The following SHANK2 variants were observed in gnomAD, a reference collection of about 807,000 sequenced individuals.
SHANK2 encodes the protein SH3 and multiple ankyrin repeat domains protein 2.
Under a neutral mutation model 133.7 loss-of-function variants are expected in SHANK2, and 43 were observed. That is an observed-to-expected ratio of 0.32 (90% CI 0.25 to 0.41). The LOEUF is 0.41. SHANK2 is among the 10% of genes least tolerant of loss of function. SHANK2 has a pLI of 1.00. For synonymous variants in SHANK2, 1,017 were observed against 952.8 expected (o/e 1.07, Z -1.24); for missense variants, 1,994 against 2,235.8 (o/e 0.89, Z 2.18).
intron 10 of SHANK2, among the ~76,000 whole-genome samples, chr11:70,930,040 C>G (rs531893203): frequency 3.6e-4 from 55 of 152,324 alleles, no homozygotes; most frequent in African/African-American, 1.3e-3. Context: ...CCTCCTAGCA[C>G]AGCAGCAAAC....
intron 6 of SHANK2, among the ~76,000 whole-genome samples, chr11:71,095,500 G>A: frequency 6.6e-6 from 1 of 152,212 alleles, no homozygotes. Flanking sequence ...CCAGAAAAGT[G>A]CACAGAGTAC....
intron 2 of SHANK2, among the ~76,000 whole-genome samples, chr11:71,204,386 G>A (rs1954085704): frequency 6.6e-6 from 1 of 152,136 alleles, no homozygotes; most frequent in Non-Finnish European, 1.5e-5. Context: ...GGAGGTAACA[G>A]GACCCAGCGC....
chr11:70,552,732 G>A (rs1425363670), intron 17 of SHANK2, among the ~76,000 whole-genome samples: 1 of 152,204 alleles, frequency 6.6e-6, no homozygotes, highest in Non-Finnish European at 1.5e-5. Context: ...GTGCAAGGGA[G>A]TCACCGTGTC....
chr11:71,184,058 C>T (rs112886841), intron 2 of SHANK2, among the ~76,000 whole-genome samples: 6 of 152,254 alleles, frequency 3.9e-5, no homozygotes, highest in East Asian at 3.9e-4. Flanking sequence ...ACAACCCTGA[C>T]GACTCCATCA....
intron 14 of SHANK2, among the ~76,000 whole-genome samples, chr11:70,764,382 C>A (rs1947070470): frequency 6.7e-6 from 1 of 148,990 alleles, no homozygotes; most frequent in African/African-American, 2.5e-5. Flanking sequence ...TACCTACCCA[C>A]ACATCCATCC....
intron 15 of SHANK2, among the ~76,000 whole-genome samples, chr11:70,674,961 T>A (rs1243391124): frequency 6.6e-6 from 1 of 152,238 alleles, no homozygotes; most frequent in Non-Finnish European, 1.5e-5. Context: ...TAACTATGTA[T>A]AATAAAAACT....
chr11:70,602,798 T>A (rs1413765953), intron 17 of SHANK2, among the ~76,000 whole-genome samples: 1 of 152,260 alleles, frequency 6.6e-6, no homozygotes, highest in Non-Finnish European at 1.5e-5. Context: ...TGTATAACAT[T>A]ACATTTTACA....
chr11:70,880,353 A>G (rs577597927), intron 11 of SHANK2, among the ~76,000 whole-genome samples: 6 of 152,198 alleles, frequency 3.9e-5, no homozygotes, highest in Non-Finnish European at 5.9e-5. Context: ...GGGCTGCTGG[A>G]AGAGTCTACG....
chr11:71,189,419 T>C (rs764412992), intron 2 of SHANK2, among the ~76,000 whole-genome samples: 1 of 152,150 alleles, frequency 6.6e-6, no homozygotes, highest in Non-Finnish European at 1.5e-5. Context: ...CTTTTTGAGA[T>C]TGAGTCCCAC....
chr11:70,472,817 G>T lies in SHANK2; in HGVS notation c.*52C>A. The T allele has an allele frequency of 6.5e-7, 1 of 1,543,270 alleles. No homozygotes were observed. The highest frequency in any genetic ancestry group is 1.4e-5 in the African/African-American group (1 of 73,688). ...TTGGCATTCAGATGTTTCAGCACGA[G>T]CCCATCTCTACTTATAACAAGAGCA... On this transcript the variant is annotated 3_prime_UTR_variant, in exon 26 of 26. Coordinates refer to ENST00000601538, the MANE Select transcript of SHANK2 (RefSeq NM_012309.5). The surrounding 1 kb of genome is among the most constrained non-coding windows in gnomAD (Gnocchi z 4.4).
chr11:70,795,375 C>CTTTTCTTTTCTT (rs1330386417), intron 14 of SHANK2, among the ~76,000 whole-genome samples: 2 of 147,958 alleles, frequency 1.4e-5, no homozygotes, highest in Admixed American at 1.4e-4. Context: ...CACATGGGTT[C>CTTTTCTTTTCTT]TTTTCTTTTC....
chr11:70,820,080 C>T (rs781883328), intron 12 of SHANK2, among the ~76,000 whole-genome samples: 1 of 152,202 alleles, frequency 6.6e-6, no homozygotes, highest in Admixed American at 6.5e-5. Context: ...ACCCGAGAGG[C>T]CAGCAGTATC....
At chr11:71,093,052 G>GGA (rs1491233795) in intron 7 of SHANK2, among the ~76,000 whole-genome samples, 4 of 7,796 alleles carry the variant, frequency 5.1e-4, no homozygotes, top group Non-Finnish European at 1.7e-3. Flanking sequence ...CAAAAATAAA[G>GGA]GGGGGGGGGG....
intron 17 of SHANK2, among the ~76,000 whole-genome samples, chr11:70,596,597 G>A (rs1014691576): frequency 5.9e-5 from 9 of 152,206 alleles, no homozygotes; most frequent in Admixed American, 2.6e-4. Context: ...GCGGGGGGGC[G>A]GCAGGCCCAG....
chr11:70,667,613 G>A (rs1160336984), intron 15 of SHANK2, among the ~76,000 whole-genome samples: 2 of 152,316 alleles, frequency 1.3e-5, no homozygotes, highest in South Asian at 2.1e-4. Flanking sequence ...CTGGTCCAGC[G>A]GGCAGCAGGT....
intron 14 of SHANK2, among the ~76,000 whole-genome samples, chr11:70,731,703 T>C (rs1427510610): frequency 1.3e-5 from 2 of 152,242 alleles, no homozygotes; most frequent in Admixed American, 6.5e-5. Context: ...TGGATAGTGC[T>C]GCTGTGAACA....
chr11:71,210,479 T>C (rs1384227553), intron 2 of SHANK2, among the ~76,000 whole-genome samples: 2 of 151,700 alleles, frequency 1.3e-5, no homozygotes, highest in Non-Finnish European at 2.9e-5. Flanking sequence ...TCAAATCTCC[T>C]GACCTTGCGA....
chr11:70,776,640 T>C (rs1555043944), intron 14 of SHANK2, among the ~76,000 whole-genome samples: 1 of 151,986 alleles, frequency 6.6e-6, no homozygotes, highest in African/African-American at 2.4e-5. Context: ...AGAGTGAGTA[T>C]CTATAAACAT....
chr11:70,562,775 C>T (rs2059921660), intron 17 of SHANK2, among the ~76,000 whole-genome samples: 1 of 152,196 alleles, frequency 6.6e-6, no homozygotes, highest in African/African-American at 2.4e-5. Flanking sequence ...GGAAGTTTAA[C>T]TCTGTCCTCT....
Sources: allele counts gnomAD v4.1 joint callset (sites outside exome capture counted in the v4.1 genomes callset), GRCh38; gene constraint gnomAD v4.1.1; non-coding constraint Gnocchi (gnomAD v3.1); transcripts MANE v1.5; gene names NCBI Gene and HGNC (gene_info 2026-07-23, HGNC 2026-07-21).